XPOT: variants seen among roughly 807,000 people sequenced by gnomAD.
The protein encoded by XPOT is exportin-T.
A neutral mutation model predicts 128.2 loss-of-function variants in XPOT; 34 were observed. The ratio of observed to expected loss-of-function variants is 0.27; its 90% CI spans 0.20 to 0.35. The LOEUF is 0.35. Ranked by LOEUF, XPOT falls within the 10% of genes least tolerant of loss-of-function variation. The pLI is 1.00. For synonymous variants in XPOT, 348 were observed against 394.3 expected (o/e 0.88, Z 1.39); for missense variants, 838 against 1,125.3 (o/e 0.74, Z 3.65).
At chr12:64,420,572 G>A in intron 8 of XPOT, 51 bp downstream of exon 8, 3 of 1,376,104 alleles carry the variant, frequency 2.2e-6, no homozygotes, top group Non-Finnish European at 2.0e-6. Flanking sequence ...GAACAAACTG[G>A]GATAGGTACT....
chr12:64,422,890 A>C (rs1592330810), intron 9 of XPOT, 115 bp from the exon 10 acceptor site: 2 of 1,016,664 alleles, frequency 2.0e-6, no homozygotes, highest in Admixed American at 2.7e-5. Flanking sequence ...GCAACAGAGC[A>C]AGACCTTGTC....
intron 1 of XPOT, 26 bp from the exon 2 acceptor site, chr12:64,409,936 T>C (rs1475653803): frequency 2.5e-5 from 22 of 888,346 alleles, no homozygotes; most frequent in Non-Finnish European, 3.9e-5. Flanking sequence ...AGTAATGTTT[T>C]CTTTCAACTT....
intron 2 of XPOT, 51 bp downstream of exon 2, chr12:64,410,146 T>C (rs758885838): frequency 2.2e-5 from 35 of 1,561,266 alleles, no homozygotes; most frequent in Non-Finnish European, 2.8e-5. Flanking sequence ...CAGATTGGCA[T>C]TAGAGGACTT....
Position 64,420,397 on chromosome 12 carries a change from G to C in XPOT, c.719G>C (p.Arg240Pro). The change falls in exon 8 of 25, where the codon CGG becomes CCG. Residue 240 changes from arginine (R) to proline (P), a missense_variant. Transcript: ENST00000332707. Reference sequence around the variant, plus strand: ...GGTCATATGTCAATAGAAGTTCTACGGGAAGAAGCATGTGACTGTTTATTT... The same window carrying C: ...GGTCATATGTCAATAGAAGTTCTACCGGAAGAAGCATGTGACTGTTTATTT... The part of the protein sequence containing the change: ...LLGHMSIEVL[R>P]EEACDCLFEV... The C allele has an allele frequency of 6.2e-7, 1 of 1,613,684 alleles. No individual in the cohort carries two copies. The highest frequency in any genetic ancestry group is 8.5e-7 in the Non-Finnish European group (1 of 1,179,852).
chr12:64,438,590 G>A (rs908445663), intron 22 of XPOT, among the ~76,000 whole-genome samples: 2 of 151,830 alleles, frequency 1.3e-5, no homozygotes, highest in East Asian at 1.9e-4. Context: ...ATTCCAGGTG[G>A]TAGTGCAAGG....
intron 5 of XPOT, 119 bp from the exon 6 acceptor site, chr12:64,418,757 C>T: frequency 1.3e-5 from 10 of 755,724 alleles, no homozygotes; most frequent in Non-Finnish European, 2.2e-5. Flanking sequence ...GTATTTGTTG[C>T]ATAGTTTATC....
At chr12:64,406,722 G>A (rs1292656101) in intron 1 of XPOT, among the ~76,000 whole-genome samples, 1 of 152,030 alleles carries the variant, frequency 6.6e-6, no homozygotes, top group Non-Finnish European at 1.5e-5. Flanking sequence ...GCTTTTATTG[G>A]ACTTCTCAAT....
At position 64,421,477 on chromosome 12, in the gene XPOT, TTTTTG is replaced by T. The variant is rs755435465; in HGVS notation, c.1080+11_1080+15del. On this transcript the variant is annotated splice_region_variant and intron_variant, in intron 9 of 24. Coordinates refer to ENST00000332707, the MANE Select transcript of XPOT (RefSeq NM_007235.6). ...ATCTTCATATTTTGAAACAGGTAAG[TTTTTG>T]TTTTATTCTTTTTGCTCAATACATA... 1.3e-6 allele frequency: 2 copies of T among 1,594,260 alleles called. No homozygotes were observed. The highest frequency in any genetic ancestry group is 1.7e-6 in the Non-Finnish European group (2 of 1,162,420).
Position 64,447,076 on chromosome 12 carries a change from G to A in XPOT, c.2863-1029G>A, listed in dbSNP as rs144456110. Among the ~76,000 whole-genome samples, 545 of 152,262 alleles carry A rather than the reference G, an allele frequency of 3.6e-3. 4 individuals are homozygous for A. The highest frequency in any genetic ancestry group is 0.012 in the African/African-American group (516 of 41,544). The stretch of plus-strand genomic sequence containing the variant: ...GGCAGCAGGCAAAGAGAGAGCTTGT[G>A]CAGGGAGACTCCCATTTTTAAAACC... On this transcript the variant is annotated intron_variant, in intron 24 of 24. Coordinates refer to ENST00000332707, the MANE Select transcript of XPOT (RefSeq NM_007235.6).
At chr12:64,431,087 G>T (rs1393496473) in intron 17 of XPOT, among the ~76,000 whole-genome samples, 3 of 152,092 alleles carry the variant, frequency 2.0e-5, no homozygotes, top group African/African-American at 4.8e-5. Flanking sequence ...GGGATTGCAG[G>T]CATGTGCTAC....
In XPOT at chr12:64,449,956, G is replaced by A. The variant is rs1186008655; in HGVS notation, c.*1825G>A. 2.0e-5 allele frequency: 3 copies of A among 152,144 alleles called. No homozygotes were observed. Among genetic ancestry groups the A allele is most frequent in the Admixed American group, 1.3e-4 (2 of 15,274 alleles). The allele number at this position is 152,144 out of a possible 1,614,324, so 9.4% of individuals were successfully genotyped here. On this transcript the variant is annotated 3_prime_UTR_variant, in exon 25 of 25. Transcript: ENST00000332707. Reference sequence around the variant, plus strand: ...TAACTGGTTTTAGAACCTTGGGCAAGTTAAAGAATGTCTCCCAGCCTCAGT... The same window carrying A: ...TAACTGGTTTTAGAACCTTGGGCAAATTAAAGAATGTCTCCCAGCCTCAGT...
chr12:64,417,996 C>T lies in XPOT; in HGVS notation c.201-50C>T, dbSNP rs778652209. On this transcript the variant is annotated intron_variant, in intron 4 of 24. Coordinates refer to ENST00000332707, the MANE Select transcript of XPOT (RefSeq NM_007235.6). ...ATATGAGGCTGTTATTTTTTACAAC[C>T]ATAGACACCAAATATAGCCATTATT... 3 of 1,470,550 alleles carry T rather than the reference C, an allele frequency of 2.0e-6. No individual in the cohort carries two copies. The South Asian group carries it at 3.7e-5, about 18-fold the overall frequency. 91.1% of individuals were successfully genotyped at this position (1,470,550 alleles called of 1,614,324 possible).
At chr12:64,416,171 A>G (rs1360035629) in intron 3 of XPOT, among the ~76,000 whole-genome samples, 1 of 152,222 alleles carries the variant, frequency 6.6e-6, no homozygotes, top group Non-Finnish European at 1.5e-5. Flanking sequence ...CAAGGGTACC[A>G]TATTTGTAAT....
At chr12:64,439,404 T>C in intron 23 of XPOT, 89 bp downstream of exon 23, 1 of 1,173,254 alleles carries the variant, frequency 8.5e-7, no homozygotes, top group South Asian at 1.3e-5. Flanking sequence ...AAATCAAAAA[T>C]ATTTTCATAT....
At chr12:64,424,958 T>C (rs2040176555) in intron 12 of XPOT, 80 bp from the exon 13 acceptor site, 1 of 1,527,816 alleles carries the variant, frequency 6.5e-7, no homozygotes. Flanking sequence ...AAAAGGCTTT[T>C]GTTGGTGTCT....
chr12:64,431,985 C>T (rs2040242964), intron 18 of XPOT, among the ~76,000 whole-genome samples, 162 bp downstream of exon 18: 1 of 152,088 alleles, frequency 6.6e-6, no homozygotes, highest in African/African-American at 2.4e-5. Context: ...TGGTGTCTGG[C>T]ACACTGCCTG....
At chr12:64,445,253 AAG>A (rs753235439) in intron 24 of XPOT, 122 bp downstream of exon 24, 22 of 702,126 alleles carry the variant, frequency 3.1e-5, no homozygotes, top group Non-Finnish European at 4.2e-5. Flanking sequence ...GCTCTTGAAA[AAG>A]AGTATAAGTT....
At chr12:64,410,914 T>C (rs1467746806) in intron 2 of XPOT, among the ~76,000 whole-genome samples, 1 of 152,230 alleles carries the variant, frequency 6.6e-6, no homozygotes. Flanking sequence ...CTTTTTACTT[T>C]TCATAGCAAA....
In XPOT at chr12:64,421,290, A is replaced by G. The variant is rs978765260; in HGVS notation, c.899A>G (p.Gln300Arg). ...TCTAAGTTGGTAAATGGAATGGGAC[A>G]GTCATTGATAGTTAGTTGGAGTAAA... The part of the protein sequence containing the change: ...RFSKLVNGMG[Q>R]SLIVSWSKLI... The change falls in exon 9 of 25, where the codon CAG (glutamine) becomes CGG (arginine). Residue 300 changes from glutamine to arginine, a missense_variant. Gln to Arg is a conservative substitution (Grantham distance 43). This residue lies in a region of XPOT where 761 missense variants were observed against 988.3 expected (regional missense o/e 0.77). Coordinates refer to ENST00000332707, the MANE Select transcript of XPOT (RefSeq NM_007235.6). 1 of 1,613,896 alleles carries G rather than the reference A, an allele frequency of 6.2e-7. No individual in the cohort carries two copies. Among genetic ancestry groups the G allele is most frequent in the Non-Finnish European group, 8.5e-7 (1 of 1,179,916 alleles).
Sources: gnomAD v4.1 joint callset for allele counts (sites outside exome capture counted in the v4.1 genomes callset) on GRCh38, gnomAD v4.1.1 for gene constraint, gnomAD v4.1.1 regional missense constraint, MANE v1.5 for transcripts, NCBI Gene and HGNC (gene_info 2026-07-23, HGNC 2026-07-21) for gene names.